DLG2: variants seen among roughly 807,000 people sequenced by gnomAD.
The protein encoded by DLG2 is disks large homolog 2.
A neutral mutation model predicts 132.5 loss-of-function variants in DLG2; 45 were observed. That is an observed-to-expected ratio of 0.34 (90% CI 0.27 to 0.44). The LOEUF is 0.44. Among genes scored for constraint, DLG2 ranks in the 20% least tolerant of loss-of-function variants. The pLI is 1.00. For synonymous variants in DLG2, 424 were observed against 419.6 expected (o/e 1.01, Z -0.13); for missense variants, 1,045 against 1,196.9 (o/e 0.87, Z 1.87).
At chr11:83,730,833 C>T (rs763921530) in intron 18 of DLG2, among the ~76,000 whole-genome samples, 2 of 152,194 alleles carry the variant, frequency 1.3e-5, no homozygotes, top group African/African-American at 2.4e-5. Context: ...CCCTGGTTGT[C>T]GCCCATGTGT....
At chr11:84,646,370 C>T (rs2099674976) in intron 6 of DLG2, among the ~76,000 whole-genome samples, 1 of 151,998 alleles carries the variant, frequency 6.6e-6, no homozygotes, top group South Asian at 2.1e-4. Context: ...TAAAAGATGC[C>T]AGTTGTTTAT....
intron 6 of DLG2, among the ~76,000 whole-genome samples, chr11:84,544,748 C>T (rs939604012): frequency 5.9e-5 from 9 of 152,246 alleles, no homozygotes; most frequent in Non-Finnish European, 1.3e-4. Flanking sequence ...GTACTCCTGG[C>T]ATACAGTGGC....
intron 6 of DLG2, among the ~76,000 whole-genome samples, chr11:85,086,920 T>A (rs1005628560): frequency 1.3e-5 from 2 of 152,220 alleles, no homozygotes; most frequent in African/African-American, 4.8e-5. Flanking sequence ...AAGTTTAACA[T>A]AATACGAAAG....
intron 6 of DLG2, among the ~76,000 whole-genome samples, chr11:84,619,237 A>T (rs1025673134): frequency 2.0e-5 from 3 of 151,928 alleles, no homozygotes; most frequent in South Asian, 2.1e-4. Context: ...AGGGAAATTT[A>T]AAAAAATTTT....
intron 6 of DLG2, among the ~76,000 whole-genome samples, chr11:84,645,903 T>C (rs1186591442): frequency 6.6e-6 from 1 of 152,198 alleles, no homozygotes; most frequent in Non-Finnish European, 1.5e-5. Context: ...TGGATGGACA[T>C]AGGAAACCTG....
At chr11:84,252,051 G>A (rs2097385608) in intron 7 of DLG2, among the ~76,000 whole-genome samples, 1 of 150,258 alleles carries the variant, frequency 6.7e-6, no homozygotes, top group South Asian at 2.1e-4. Context: ...TGCCTTTTGA[G>A]AGTATGCTAT....
At chr11:85,485,764 G>A (rs368561301) in intron 3 of DLG2, among the ~76,000 whole-genome samples, 2 of 152,196 alleles carry the variant, frequency 1.3e-5, no homozygotes, top group African/African-American at 2.4e-5. Flanking sequence ...ACTAGAGACT[G>A]TACCAAGATG....
At chr11:84,659,619 C>A (rs1455033509) in intron 6 of DLG2, among the ~76,000 whole-genome samples, 6 of 152,118 alleles carry the variant, frequency 3.9e-5, no homozygotes, top group African/African-American at 1.4e-4. Context: ...GACTATCCTT[C>A]ACTCTTTTTC....
At chr11:85,251,279 G>T (rs1468307686) in intron 4 of DLG2, among the ~76,000 whole-genome samples, 2 of 152,158 alleles carry the variant, frequency 1.3e-5, no homozygotes, top group Non-Finnish European at 2.9e-5. Context: ...ATTGTAAGCA[G>T]AATATTGTTT....
At chr11:84,301,539 G>A (rs1274749378) in intron 7 of DLG2, among the ~76,000 whole-genome samples, 1 of 150,808 alleles carries the variant, frequency 6.6e-6, no homozygotes, top group Non-Finnish European at 1.5e-5. Flanking sequence ...GGCGCCTATA[G>A]TCCCAGCTAC....
At chr11:85,429,637 G>A (rs1325713368) in intron 3 of DLG2, among the ~76,000 whole-genome samples, 1 of 152,150 alleles carries the variant, frequency 6.6e-6, no homozygotes, top group African/African-American at 2.4e-5. Context: ...TCAGAGAAAT[G>A]CAAATCAAAA....
intron 3 of DLG2, among the ~76,000 whole-genome samples, chr11:85,300,119 T>A (rs919072509): frequency 2.0e-5 from 3 of 152,168 alleles, no homozygotes; most frequent in Non-Finnish European, 2.9e-5. Context: ...CAGATTAGCC[T>A]CTGCTATGAT....
intron 6 of DLG2, among the ~76,000 whole-genome samples, chr11:84,576,058 T>C (rs1428111230): frequency 1.3e-5 from 2 of 152,230 alleles, no homozygotes; most frequent in Non-Finnish European, 2.9e-5. Context: ...TAAGTCTTTG[T>C]TTGAGATGTC....
chr11:83,683,328 G>C (rs548728453), intron 18 of DLG2, among the ~76,000 whole-genome samples: 1 of 152,286 alleles, frequency 6.6e-6, no homozygotes, highest in South Asian at 2.1e-4. Flanking sequence ...AAGAAGCTGA[G>C]ATTCAGGGAG....
intron 6 of DLG2, among the ~76,000 whole-genome samples, chr11:84,805,202 C>T (rs150106214): frequency 6.9e-4 from 105 of 152,252 alleles, no homozygotes; most frequent in African/African-American, 2.5e-3. Context: ...CCCACTTCCA[C>T]TCAGCAGTAT....
chr11:83,669,588 C>T (rs1592142254), intron 18 of DLG2, among the ~76,000 whole-genome samples: 1 of 151,992 alleles, frequency 6.6e-6, no homozygotes, highest in South Asian at 2.1e-4. Context: ...TAATTTGTAC[C>T]CTTAATATAA....
chr11:84,456,262 C>T (rs921281964), intron 7 of DLG2, among the ~76,000 whole-genome samples: 7 of 151,184 alleles, frequency 4.6e-5, no homozygotes, highest in Admixed American at 4.6e-4. Context: ...GGAAGTAATG[C>T]CTTAGAATCA....
chr11:85,500,465 G>A (rs529001181), intron 3 of DLG2, among the ~76,000 whole-genome samples: 118 of 144,978 alleles, frequency 8.1e-4, no homozygotes, highest in Middle Eastern at 3.4e-3. Flanking sequence ...TGGGTGCAGC[G>A]CACCAGCATG....
chr11:85,138,382 A>G (rs981207105), intron 5 of DLG2, among the ~76,000 whole-genome samples: 1 of 152,168 alleles, frequency 6.6e-6, no homozygotes, highest in African/African-American at 2.4e-5. Context: ...CTATTATACA[A>G]TGCTGTGGGT....
Sources: allele counts gnomAD v4.1 joint callset (sites outside exome capture counted in the v4.1 genomes callset), GRCh38; gene constraint gnomAD v4.1.1; transcripts MANE v1.5; gene names NCBI Gene and HGNC (gene_info 2026-07-23, HGNC 2026-07-21).